The following WNT5A variants were observed in gnomAD, a reference collection of about 807,000 sequenced individuals.
The protein encoded by WNT5A is protein Wnt-5a.
Under a neutral mutation model 42.1 loss-of-function variants are expected in WNT5A, and 9 were observed. The ratio of observed to expected loss-of-function variants is 0.21; its 90% CI spans 0.13 to 0.37. The LOEUF (loss-of-function observed/expected upper bound fraction) is 0.37, where lower values mean the gene tolerates loss of function less well. Ranked by LOEUF, WNT5A falls within the 10% of genes least tolerant of loss-of-function variation. The pLI is 1.00. For synonymous variants in WNT5A, 210 were observed against 210.0 expected, an observed-to-expected ratio of 1.00 and a Z score of 0.00; for missense variants, 426 against 534.0, an observed-to-expected ratio of 0.80 and a Z score of 1.99.
upstream of WNT5A, among the ~76,000 whole-genome samples, chr3:55,492,654 A>G (rs1451448343): frequency 6.6e-6 from 1 of 152,180 alleles, no homozygotes; most frequent in Non-Finnish European, 1.5e-5. Context: ...AGAATTCAAC[A>G]AAGATGGGGC....
chr3:55,499,435 C>G, the WNT5A span, among the ~76,000 whole-genome samples: 1 of 152,144 alleles, frequency 6.6e-6, no homozygotes, highest in Non-Finnish European at 1.5e-5. Context: ...AAGATGCAGC[C>G]TGTGACCTAC....
rs1259151772 is a variant in WNT5A at position 55,487,037 on chromosome 3, C to A, written c.-52G>T. On this transcript the variant is annotated 5_prime_UTR_variant, in exon 1 of 5. Coordinates refer to ENST00000264634, the MANE Select transcript of WNT5A (RefSeq NM_003392.7). ...AAGTCGCCACCCGAGCGAGCGCAGC[C>A]GAGGAATCCGAGCGGAGCGACCGGG... The A allele has an allele frequency of 8.8e-6, 14 of 1,593,768 alleles. No individual in the cohort carries two copies. The highest frequency in any genetic ancestry group is 1.2e-5 in the Non-Finnish European group (14 of 1,167,560).
At chr3:55,482,360 A>C (rs2051484320) in intron 1 of WNT5A, among the ~76,000 whole-genome samples, 1 of 152,178 alleles carries the variant, frequency 6.6e-6, no homozygotes, top group African/African-American at 2.4e-5. Context: ...GCGGGTTTTA[A>C]AAATCCCCTT....
the WNT5A span, among the ~76,000 whole-genome samples, chr3:55,499,294 G>T: frequency 6.6e-6 from 1 of 152,212 alleles, no homozygotes; most frequent in Non-Finnish European, 1.5e-5. Context: ...TGCAGAGTGG[G>T]AGGTGATTCC....
At chr3:55,494,456 A>G (rs1249023370), upstream of WNT5A, among the ~76,000 whole-genome samples, 2 of 152,270 alleles carry the variant, frequency 1.3e-5, no homozygotes, top group East Asian at 3.8e-4. Flanking sequence ...CTCATTAGAA[A>G]GCAGCCAGCT....
In WNT5A at chr3:55,483,028, C is replaced by T. The variant is rs2051499893; in HGVS notation, c.7-2110G>A. Among the ~76,000 whole-genome samples, 1 of 152,202 alleles carries T rather than the reference C, an allele frequency of 6.6e-6. No homozygotes were observed. The highest frequency in any genetic ancestry group is 6.5e-5 in the Admixed American group (1 of 15,284). On this transcript the variant is annotated intron_variant, in intron 1 of 4. Transcript: ENST00000264634. This position sits in a 1 kb window ranked among gnomAD's most constrained non-coding sequence, Gnocchi z 4.2. Reference sequence around the variant, plus strand: ...TCCAAGCTTCGCGGCGAGCGGGGCGCGTGGGGCGGGGCTCAAGCAGCAGAG... The same window carrying T: ...TCCAAGCTTCGCGGCGAGCGGGGCGTGTGGGGCGGGGCTCAAGCAGCAGAG...
rs1022867753 is a variant in WNT5A, at chr3:55,487,071, G to C, written c.-86C>G. On this transcript the variant is annotated 5_prime_UTR_variant, in exon 1 of 5. Transcript: ENST00000264634. ...CGAGCGGAGCGACCGGGTTAAGCCTGGGGGGACGGTCAGGAGCAGGGCTGC... is the reference window on the plus strand; with the variant it reads ...CGAGCGGAGCGACCGGGTTAAGCCTCGGGGGACGGTCAGGAGCAGGGCTGC... 7 of 1,230,674 alleles carry C rather than the reference G, an allele frequency of 5.7e-6. No homozygotes were observed. The highest frequency in any genetic ancestry group is 3.7e-5 in the Admixed American group (2 of 54,412). 76.2% of individuals were successfully genotyped at this position (1,230,674 alleles called of 1,614,324 possible). A position where few individuals can be genotyped will look rare whatever the true frequency, so the allele number is the denominator to read the frequency against.
At chr3:55,501,730 G>T in the WNT5A span, 1 of 152,320 alleles carries the variant, frequency 6.6e-6, no homozygotes, top group Middle Eastern at 3.4e-3. Context: ...TGGGCCAAGA[G>T]AAATCTATTC....
rs1162986085 is a variant in WNT5A at position 55,470,265 on chromosome 3, G to A, written c.970C>T (p.Leu324=). The part of the protein sequence containing the change: ...STGSLGTQGR[L]CNKTSEGMDG... ...ATGCCCTCCGACGTCTTGTTGCACA[G>A]GCGGCCCTGCGTGCCCAGCGAGCCG... Residue 324 remains leucine (L), a synonymous_variant, in exon 5 of 5, where the codon CTG becomes TTG. Transcript: ENST00000264634. 6.2e-7 allele frequency: 1 copy of A among 1,614,028 alleles called. No individual in the cohort carries two copies. Among genetic ancestry groups the A allele is most frequent in the African/African-American group, 1.3e-5 (1 of 75,068 alleles).
chr3:55,505,260 G>T, the WNT5A span: 1 of 152,278 alleles, frequency 6.6e-6, no homozygotes, highest in East Asian at 1.9e-4. Context: ...GCAGGGAGAA[G>T]TGCAAGCAGG....
chr3:55,487,689 C>A (rs620014), upstream of WNT5A: 30,416 of 152,296 alleles, frequency 0.2, 3,396 homozygotes, highest in African/African-American at 0.3. Context: ...ACACACACAC[C>A]CCCGCTGCAG....
the WNT5A span, among the ~76,000 whole-genome samples, chr3:55,502,159 A>G: frequency 6.6e-6 from 1 of 152,170 alleles, no homozygotes; most frequent in African/African-American, 2.4e-5. Flanking sequence ...ATGACTTCAT[A>G]ATTTCTGGAA....
At chr3:55,485,304 CG>C (rs1279436319) in intron 1 of WNT5A, among the ~76,000 whole-genome samples, 1 of 151,804 alleles carries the variant, frequency 6.6e-6, no homozygotes, top group Non-Finnish European at 1.5e-5. Flanking sequence ...GAAAAGGCCG[CG>C]GGGATGGCTC....
At chr3:55,488,837 G>A (rs2051622928), upstream of WNT5A, among the ~76,000 whole-genome samples, 1 of 152,184 alleles carries the variant, frequency 6.6e-6, no homozygotes, top group African/African-American at 2.4e-5. Flanking sequence ...GGAGACTGCT[G>A]CCTTGACATG....
At chr3:55,494,294 C>T (rs1473164764), upstream of WNT5A, among the ~76,000 whole-genome samples, 1 of 152,180 alleles carries the variant, frequency 6.6e-6, no homozygotes, top group Non-Finnish European at 1.5e-5. Flanking sequence ...ACAACTCAAA[C>T]ATGGCCATAC....
In WNT5A at chr3:55,479,212, C is replaced by A. The variant is rs376952206; in HGVS notation, c.391+102G>T. 4.0e-4 allele frequency: 528 copies of A among 1,306,820 alleles called. 3 individuals are homozygous for A. The East Asian group carries it at 0.012, about 29-fold the overall frequency. The allele number at this position is 1,306,820 out of a possible 1,614,324, so 81.0% of individuals were successfully genotyped here. Reference sequence around the variant, plus strand: ...CCAAGCCACCACCCGAGCTGGAAGGCATCCTCCTTCATGCTTTCTATCAAG... The same window carrying A: ...CCAAGCCACCACCCGAGCTGGAAGGAATCCTCCTTCATGCTTTCTATCAAG... On this transcript the variant is annotated intron_variant, in intron 3 of 4. Coordinates refer to ENST00000264634, the MANE Select transcript of WNT5A (RefSeq NM_003392.7).
At chr3:55,484,115 G>A (rs1575406691) in intron 1 of WNT5A, among the ~76,000 whole-genome samples, 1 of 152,156 alleles carries the variant, frequency 6.6e-6, no homozygotes, top group Non-Finnish European at 1.5e-5. Context: ...CCAAATAGGC[G>A]GAAGAAGCCC....
chr3:55,470,503 G>T lies in WNT5A; in HGVS notation c.732C>A (p.Ser244=). ...ADVACKCHGV[S]GSCSLKTCWL... is the part of the protein sequence containing the mutation. ...AGCATGTCTTCAGGCTACATGAGCC[G>T]GACACCCCATGGCACTTGCAGGCCA... The change falls in exon 5 of 5, where the codon TCC becomes TCA. Residue 244 remains serine (S), a synonymous_variant. Coordinates refer to ENST00000264634, the MANE Select transcript of WNT5A (RefSeq NM_003392.7). 1 of 1,597,220 alleles carries T rather than the reference G, an allele frequency of 6.3e-7. No individual in the cohort carries two copies. The highest frequency in any genetic ancestry group is 1.3e-5 in the African/African-American group (1 of 74,714).
chr3:55,473,884 C>T (rs1032100605), intron 4 of WNT5A, among the ~76,000 whole-genome samples: 10 of 152,186 alleles, frequency 6.6e-5, no homozygotes, highest in African/African-American at 2.4e-4. Flanking sequence ...AAGTTATTCC[C>T]ATTTTTATTT....
Sources: gnomAD v4.1 joint callset for allele counts (sites outside exome capture counted in the v4.1 genomes callset) on GRCh38, gnomAD v4.1.1 for gene constraint, Gnocchi (gnomAD v3.1) non-coding constraint, MANE v1.5 for transcripts, NCBI Gene and HGNC (gene_info 2026-07-23, HGNC 2026-07-21) for gene names.